Variants in NMNAT3 observed in about 807,000 individuals in gnomAD.
NMNAT3 encodes nicotinamide nucleotide adenylyltransferase 3.
A neutral mutation model predicts 24.8 loss-of-function variants in NMNAT3; 21 were observed. That is an observed-to-expected ratio of 0.85 (90% CI 0.60 to 1.22). NMNAT3 has a LOEUF of 1.22. Ranked by LOEUF, NMNAT3 falls within the 50% of genes most tolerant of loss-of-function variation. The probability of loss-of-function intolerance (pLI) is 0.00; values close to 1 mark genes in which losing one functional copy is unlikely to be tolerated. For missense variants in NMNAT3, 387 were observed against 436.6 expected (o/e 0.89, Z 1.01); for synonymous variants, 136 against 155.2 (o/e 0.88, Z 0.92).
intron 3 of NMNAT3, among the ~76,000 whole-genome samples, chr3:139,623,166 T>C (rs1449874087): frequency 6.6e-6 from 1 of 152,158 alleles, no homozygotes; most frequent in East Asian, 1.9e-4. Flanking sequence ...TACAGATGTA[T>C]AAAAATATTT....
chr3:139,623,759 T>G (rs1313645945), intron 3 of NMNAT3, among the ~76,000 whole-genome samples: 1 of 152,094 alleles, frequency 6.6e-6, no homozygotes, highest in Non-Finnish European at 1.5e-5. Flanking sequence ...ATTTTTGTAT[T>G]TTTAGTAGAG....
chr3:139,622,578 C>T (rs539762391), intron 3 of NMNAT3, among the ~76,000 whole-genome samples: 40 of 150,622 alleles, frequency 2.7e-4, no homozygotes, highest in African/African-American at 9.8e-4. Flanking sequence ...ACTAAAAATA[C>T]AAAAAAATCA....
At chr3:139,653,909 C>T (rs181539698) in intron 1 of NMNAT3, among the ~76,000 whole-genome samples, 5 of 152,274 alleles carry the variant, frequency 3.3e-5, no homozygotes, top group Non-Finnish European at 5.9e-5. Context: ...CTCATCATTC[C>T]GTAGATCAGC....
chr3:139,669,853 A>G (rs1364830103), intron 1 of NMNAT3, among the ~76,000 whole-genome samples: 1 of 152,214 alleles, frequency 6.6e-6, no homozygotes, highest in Non-Finnish European at 1.5e-5. Flanking sequence ...CAGAAAAATA[A>G]CAGGAATCAT....
Position 139,561,266 on chromosome 3 carries a change from A to G in NMNAT3, c.785T>C (p.Val262Ala). 6.2e-7 allele frequency: 1 copy of G among 1,613,850 alleles called. No homozygotes were observed. The highest frequency in any genetic ancestry group is 8.5e-7 in the Non-Finnish European group (1 of 1,179,930). Reference sequence around the variant, plus strand: ...GATGTAACCTTTTGGGTCGTGACCTACTCGGCCCACGCACACCAAGCCAAA... The same window carrying G: ...GATGTAACCTTTTGGGTCGTGACCTGCTCGGCCCACGCACACCAAGCCAAA... The change falls in exon 7 of 7, where the codon GTA (valine) becomes GCA (alanine). Residue 262 changes from valine to alanine, a missense_variant. Val to Ala is a moderately conservative substitution (Grantham distance 64). This residue lies in a region of NMNAT3 where 323 missense variants were observed against 345.2 expected (regional missense o/e 0.94). Transcript: ENST00000643695.
chr3:139,626,240 T>G (rs1169530225), intron 3 of NMNAT3, among the ~76,000 whole-genome samples: 1 of 152,152 alleles, frequency 6.6e-6, no homozygotes, highest in African/African-American at 2.4e-5. Flanking sequence ...GGGATTCCAA[T>G]TCCAAGTATA....
At chr3:139,575,681 C>A in intron 5 of NMNAT3, 1 of 1,021,492 alleles carries the variant, frequency 9.8e-7, no homozygotes, top group Non-Finnish European at 1.2e-6. Flanking sequence ...ATGCATTTGC[C>A]AGGGACTTCC....
chr3:139,639,070 C>T (rs1189456504), intron 1 of NMNAT3, among the ~76,000 whole-genome samples: 2 of 152,196 alleles, frequency 1.3e-5, no homozygotes, highest in African/African-American at 2.4e-5. Context: ...TAAGTTGGGT[C>T]TTCTCCTCTG....
chr3:139,647,999 C>A (rs2056925373), intron 1 of NMNAT3, among the ~76,000 whole-genome samples: 1 of 152,136 alleles, frequency 6.6e-6, no homozygotes, highest in Non-Finnish European at 1.5e-5. Flanking sequence ...CTGCCTGCAG[C>A]AAGTGGAATA....
intron 1 of NMNAT3, among the ~76,000 whole-genome samples, chr3:139,639,109 C>T (rs2056609459): frequency 6.6e-6 from 1 of 152,200 alleles, no homozygotes; most frequent in Non-Finnish European, 1.5e-5. Context: ...AACTTTCTCT[C>T]TTACATCTCA....
At chr3:139,676,587 G>C (rs936703846) in intron 1 of NMNAT3, among the ~76,000 whole-genome samples, 3 of 152,194 alleles carry the variant, frequency 2.0e-5, no homozygotes, top group African/African-American at 7.2e-5. Context: ...CCTTTCTCTG[G>C]GTTGTGCCAG....
intron 4 of NMNAT3, 82 bp from the exon 5 acceptor site, chr3:139,579,137 G>T: frequency 8.7e-7 from 1 of 1,153,780 alleles, no homozygotes; most frequent in Non-Finnish European, 1.3e-6. Context: ...GGTGCTAAAT[G>T]TCTCCAGTGC....
At chr3:139,592,646 G>T (rs1337027358) in intron 3 of NMNAT3, among the ~76,000 whole-genome samples, 2 of 152,110 alleles carry the variant, frequency 1.3e-5, no homozygotes, top group Non-Finnish European at 1.5e-5. Context: ...CAAGCCAGAA[G>T]AGAGTGGGGG....
At chr3:139,607,517 C>G (rs960670620) in intron 3 of NMNAT3, among the ~76,000 whole-genome samples, 1 of 152,208 alleles carries the variant, frequency 6.6e-6, no homozygotes, top group African/African-American at 2.4e-5. Context: ...CACAATGCTG[C>G]TTTCCATATT....
At chr3:139,577,577 TC>T (rs536015704) in intron 5 of NMNAT3, among the ~76,000 whole-genome samples, 50 of 152,352 alleles carry the variant, frequency 3.3e-4, no homozygotes, top group Non-Finnish European at 6.0e-4. Flanking sequence ...TGTTGGATGA[TC>T]TATTCTCTTG....
intron 3 of NMNAT3, among the ~76,000 whole-genome samples, chr3:139,596,189 C>T (rs991588532): frequency 6.6e-6 from 1 of 152,108 alleles, no homozygotes; most frequent in African/African-American, 2.4e-5. Context: ...TGCTGGGTGG[C>T]CCTGTCAGAG....
chr3:139,663,622 A>G (rs1576782435), intron 1 of NMNAT3, among the ~76,000 whole-genome samples: 1 of 152,216 alleles, frequency 6.6e-6, no homozygotes, highest in Non-Finnish European at 1.5e-5. Flanking sequence ...CAGCTTCCTC[A>G]CCTGTAAAAT....
chr3:139,582,778 A>G (rs940622851), intron 4 of NMNAT3: 4 of 416,538 alleles, frequency 9.6e-6, no homozygotes, highest in African/African-American at 2.1e-5. Context: ...TCACATATAT[A>G]ATAAAGAGAA....
intron 1 of NMNAT3, among the ~76,000 whole-genome samples, chr3:139,671,859 C>T (rs2057767938): frequency 6.6e-6 from 1 of 152,216 alleles, no homozygotes; most frequent in Non-Finnish European, 1.5e-5. Context: ...ATCACTGGCT[C>T]ACAGAGAAAC....
Sources: gnomAD v4.1 joint callset for allele counts (sites outside exome capture counted in the v4.1 genomes callset) on GRCh38, gnomAD v4.1.1 for gene constraint, gnomAD v4.1.1 regional missense constraint, MANE v1.5 for transcripts, NCBI Gene and HGNC (gene_info 2026-07-23, HGNC 2026-07-21) for gene names.